Variants in PLAAT4 observed in about 807,000 individuals in gnomAD.
The protein encoded by PLAAT4 is phospholipase A and acyltransferase 4, also known as HRAS-like suppressor 4.
PLAAT4 carries 12 observed loss-of-function variants against 14.1 expected under a neutral mutation model. That is an observed-to-expected ratio of 0.85 (90% CI 0.54 to 1.37). PLAAT4 has a LOEUF of 1.37. Ranked by LOEUF, PLAAT4 falls within the 40% of genes most tolerant of loss-of-function variation. PLAAT4 has a pLI of 0.00. For synonymous variants in PLAAT4, 77 were observed against 79.8 expected, an observed-to-expected ratio of 0.96 and a Z score of 0.19; for missense variants, 163 against 211.7, an observed-to-expected ratio of 0.77 and a Z score of 1.43.
chr11:63,545,773 A>T (rs1392205842), intron 3 of PLAAT4, among the ~76,000 whole-genome samples: 1 of 152,098 alleles, frequency 6.6e-6, no homozygotes, highest in Non-Finnish European at 1.5e-5. Context: ...ACTGCAAAAT[A>T]GTCCCCAGTC....
intron 1 of PLAAT4, among the ~76,000 whole-genome samples, chr11:63,537,684 T>A (rs1218330590): frequency 6.6e-6 from 1 of 152,180 alleles, no homozygotes; most frequent in Non-Finnish European, 1.5e-5. Flanking sequence ...GCATTGCAGT[T>A]AAAAGCCCCT....
chr11:63,540,774 C>T (rs1037609682), intron 2 of PLAAT4, among the ~76,000 whole-genome samples: 2 of 151,952 alleles, frequency 1.3e-5, no homozygotes, highest in African/African-American at 2.4e-5. Context: ...TGCAGTGAGC[C>T]GAGATCCTGA....
At position 63,539,586 on chromosome 11, in the gene PLAAT4, A is replaced by T. The variant is rs373925861; in HGVS notation, c.80A>T (p.Tyr27Phe). Residue 27 changes from tyrosine to phenylalanine, a missense_variant, in exon 2 of 4, where the codon TAT becomes TTT. Physicochemically the swap from Tyr to Phe is conservative, Grantham distance 22. Coordinates refer to ENST00000255688, the MANE Select transcript of PLAAT4 (RefSeq NM_004585.5). ...FRLGYEHWAL[Y>F]IGDGYVIHLA... ...CTTGGCTATGAGCACTGGGCCCTGT[A>T]TATAGGAGATGGCTACGTGATCCAT... 68 of 1,613,664 alleles carry T rather than the reference A, an allele frequency of 4.2e-5. No individual in the cohort carries two copies. The highest frequency in any genetic ancestry group is 5.8e-5 in the Non-Finnish European group (68 of 1,179,678).
chr11:63,545,060 T>C (rs2134360292), intron 3 of PLAAT4, 171 bp downstream of exon 3: 1 of 919,646 alleles, frequency 1.1e-6, no homozygotes, highest in Non-Finnish European at 1.7e-6. Flanking sequence ...CCACAGAGGG[T>C]CTTTGGACAG....
chr11:63,539,192 G>A (rs767844609), intron 1 of PLAAT4, among the ~76,000 whole-genome samples: 4 of 152,062 alleles, frequency 2.6e-5, no homozygotes, highest in Non-Finnish European at 5.9e-5. Context: ...CTCTTGAGTC[G>A]GCCTACTGAG....
intron 2 of PLAAT4, among the ~76,000 whole-genome samples, chr11:63,540,293 A>G (rs577483809): frequency 4.9e-4 from 74 of 152,374 alleles, no homozygotes; most frequent in South Asian, 1.4e-3. Context: ...TCTCCGTGCC[A>G]GATCCTTTGC....
At chr11:63,539,427 G>C in intron 1 of PLAAT4, 89 bp from the exon 2 acceptor site, 1 of 1,043,000 alleles carries the variant, frequency 9.6e-7, no homozygotes, top group East Asian at 2.4e-5. Flanking sequence ...TCAGCAAGGC[G>C]TCTCCAGGAT....
Position 63,546,214 on chromosome 11 carries a change from C to T in PLAAT4, c.453C>T (p.Cys151=). ...TTGGAATCCTGGTTGTTGCTGGATG[C>T]TCTTTTGCGATTAGGAGATACCAAA... is the stretch of plus-strand genomic sequence containing the variant. ...TALGILVVAG[C]SFAIRRYQKK... is the part of the protein sequence containing the mutation. Residue 151 remains cysteine, a synonymous_variant, in exon 4 of 4, where the codon TGC becomes TGT. Transcript: ENST00000255688. The T allele has an allele frequency of 3.1e-6, 5 of 1,613,424 alleles. No homozygotes were observed. The highest frequency in any genetic ancestry group is 4.2e-6 in the Non-Finnish European group (5 of 1,179,608).
rs870073 is a variant in PLAAT4, at chr11:63,546,450, G to T, written c.*194G>T. 3,692 of 569,446 alleles carry T rather than the reference G, an allele frequency of 6.5e-3. 107 individuals carry two copies. The highest frequency in any genetic ancestry group is 0.061 in the African/African-American group (3,247 of 52,876). 35.3% of individuals were successfully genotyped at this position (569,446 alleles called of 1,614,324 possible). Reference sequence around the variant, plus strand: ...CTGAAGGATCAATAAACAGCCATCTGCCCCTTCAGAAAGGACTTCTACCAT... The same window carrying T: ...CTGAAGGATCAATAAACAGCCATCTTCCCCTTCAGAAAGGACTTCTACCAT... On this transcript the variant is annotated 3_prime_UTR_variant, in exon 4 of 4. Transcript: ENST00000255688.
At chr11:63,542,005 C>G (rs2017325960) in intron 2 of PLAAT4, among the ~76,000 whole-genome samples, 1 of 152,106 alleles carries the variant, frequency 6.6e-6, no homozygotes, top group Non-Finnish European at 1.5e-5. Context: ...ACAGTAGTGT[C>G]TGTAAAACCC....
intron 2 of PLAAT4, among the ~76,000 whole-genome samples, chr11:63,544,223 T>C (rs2017343907): frequency 6.6e-6 from 1 of 152,188 alleles, no homozygotes; most frequent in Non-Finnish European, 1.5e-5. Flanking sequence ...ACAGAAGTGA[T>C]GTACATGCAT....
chr11:63,539,727 C>A, intron 2 of PLAAT4, 103 bp downstream of exon 2: 1 of 796,228 alleles, frequency 1.3e-6, no homozygotes, highest in South Asian at 1.7e-5. Context: ...TTTGAGAGGC[C>A]GAGGTGGGCA....
chr11:63,543,321 T>C (rs1045667495), intron 2 of PLAAT4, among the ~76,000 whole-genome samples: 1 of 152,198 alleles, frequency 6.6e-6, no homozygotes, highest in African/African-American at 2.4e-5. Context: ...TAGATTCTCA[T>C]AGGAGTGCAA....
intron 1 of PLAAT4, among the ~76,000 whole-genome samples, chr11:63,537,693 CT>C (rs1463718071): frequency 6.6e-6 from 1 of 152,322 alleles, no homozygotes; most frequent in East Asian, 1.9e-4. Flanking sequence ...TTAAAAGCCC[CT>C]CTCTCTCCCC....
chr11:63,542,249 GA>G (rs2017327289), intron 2 of PLAAT4, among the ~76,000 whole-genome samples: 1 of 152,090 alleles, frequency 6.6e-6, no homozygotes, highest in African/African-American at 2.4e-5. Flanking sequence ...TGGATGGGGT[GA>G]TTTTTTTTCT....
At chr11:63,540,717 T>C (rs2017314993) in intron 2 of PLAAT4, among the ~76,000 whole-genome samples, 2 of 152,084 alleles carry the variant, frequency 1.3e-5, no homozygotes, top group Admixed American at 6.6e-5. Context: ...TCCCAGCTAC[T>C]CAGGAGGCTG....
intron 1 of PLAAT4, 119 bp from the exon 2 acceptor site, chr11:63,539,397 G>C (rs1180309212): frequency 2.5e-6 from 2 of 794,164 alleles, no homozygotes; most frequent in Non-Finnish European, 2.2e-6. Context: ...GGATCTCATG[G>C]GGCTAGCAGC....
At chr11:63,546,047 G>A (rs1050146605) in intron 3 of PLAAT4, 102 bp from the exon 4 acceptor site, 8 of 917,020 alleles carry the variant, frequency 8.7e-6, no homozygotes, top group Non-Finnish European at 1.1e-5. Flanking sequence ...CTTAGGGGAG[G>A]CAGGAGAGAG....
At chr11:63,537,099 C>G (rs189912640) in intron 1 of PLAAT4, among the ~76,000 whole-genome samples, 3 of 152,194 alleles carry the variant, frequency 2.0e-5, no homozygotes, top group Middle Eastern at 3.2e-3. Context: ...TGGCACAGTG[C>G]GGGGAGCCCG....
Sources: gnomAD v4.1 joint callset for allele counts (sites outside exome capture counted in the v4.1 genomes callset) on GRCh38, gnomAD v4.1.1 for gene constraint, MANE v1.5 for transcripts, NCBI Gene and HGNC (gene_info 2026-07-23, HGNC 2026-07-21) for gene names.